SSH2: variants seen among roughly 807,000 people sequenced by gnomAD.
SSH2 encodes protein phosphatase Slingshot homolog 2.
Under a neutral mutation model 135.2 loss-of-function variants are expected in SSH2, and 37 were observed. The ratio of observed to expected loss-of-function variants is 0.27; its 90% CI spans 0.21 to 0.36. SSH2 has a LOEUF of 0.36. Among genes scored for constraint, SSH2 ranks in the 10% least tolerant of loss-of-function variants. The pLI, the probability that SSH2 is intolerant of heterozygous loss-of-function variation, is 1.00. For missense variants in SSH2, 1,408 were observed against 1,765.3 expected (o/e 0.80, Z 3.63); for synonymous variants, 628 against 646.2 (o/e 0.97, Z 0.43).
intron 1 of SSH2, among the ~76,000 whole-genome samples, chr17:29,910,549 A>G (rs967676239): frequency 3.9e-5 from 6 of 152,216 alleles, no homozygotes; most frequent in African/African-American, 1.4e-4. Flanking sequence ...CTTTTTGTCA[A>G]TAGTATAAGA....
intron 1 of SSH2, among the ~76,000 whole-genome samples, chr17:29,861,840 T>G (rs2065770854): frequency 6.6e-6 from 1 of 152,210 alleles, no homozygotes; most frequent in African/African-American, 2.4e-5. Context: ...CATGAGCCAC[T>G]GTGCCTGGCC....
intron 1 of SSH2, among the ~76,000 whole-genome samples, chr17:29,926,687 CT>C (rs1426974309): frequency 6.6e-6 from 1 of 152,226 alleles, no homozygotes; most frequent in Non-Finnish European, 1.5e-5. Context: ...GCAGCCCTAG[CT>C]GCCTCCTCGC....
chr17:29,872,699 T>C (rs2065958476), intron 1 of SSH2, among the ~76,000 whole-genome samples: 1 of 152,116 alleles, frequency 6.6e-6, no homozygotes, highest in South Asian at 2.1e-4. Flanking sequence ...CCTGGTAGTG[T>C]AAAAAGTATT....
intron 1 of SSH2, among the ~76,000 whole-genome samples, chr17:29,896,871 T>C (rs1330574130): frequency 1.3e-5 from 2 of 151,860 alleles, no homozygotes; most frequent in Admixed American, 1.3e-4. Context: ...TAACAGTTCT[T>C]CACTGACATC....
In SSH2 at chr17:29,696,170, T is replaced by TACAC. The variant is rs1410407126; in HGVS notation, c.293-648_293-647insGTGT. Among the ~76,000 whole-genome samples the TACAC allele has an allele frequency of 7.3e-4, 86 of 117,352 alleles. 1 individual carries two copies. The highest frequency in any genetic ancestry group is 8.3e-3 in the Middle Eastern group (2 of 240). The allele number at this position is 117,352 out of a possible 152,430, so 77.0% of individuals were successfully genotyped here. A position where few individuals can be genotyped will look rare whatever the true frequency, so the allele number is the denominator to read the frequency against. ...TGATATTATAATGAGAGTATGTATA[T>TACAC]ATATACACACACACACACACACACA... On this transcript the variant is annotated intron_variant, in intron 4 of 15. Transcript: ENST00000540801.
intron 1 of SSH2, among the ~76,000 whole-genome samples, chr17:29,849,468 G>A (rs568786241): frequency 1.6e-5 from 2 of 124,332 alleles, no homozygotes; most frequent in Non-Finnish European, 3.2e-5. Flanking sequence ...GACAGAGCGA[G>A]ACTCCGTCTC....
intron 1 of SSH2, among the ~76,000 whole-genome samples, chr17:29,914,935 AACAGTT>A (rs2151478990): frequency 6.6e-6 from 1 of 152,278 alleles, no homozygotes; most frequent in African/African-American, 2.4e-5. Flanking sequence ...TGCAACCATA[AACAGTT>A]ACAAATGATC....
At chr17:29,652,897 C>A (rs1321931567) in intron 12 of SSH2, among the ~76,000 whole-genome samples, 1 of 152,144 alleles carries the variant, frequency 6.6e-6, no homozygotes, top group Admixed American at 6.6e-5. Context: ...ACCTTGTGGT[C>A]TGCCTGCTTC....
intron 1 of SSH2, among the ~76,000 whole-genome samples, chr17:29,927,719 T>A (rs1056497761): frequency 1.3e-5 from 2 of 152,158 alleles, no homozygotes; most frequent in African/African-American, 2.4e-5. Flanking sequence ...TGAAGTCCAA[T>A]AGGAAGACAA....
intron 3 of SSH2, among the ~76,000 whole-genome samples, chr17:29,764,551 C>G (rs1248284358): frequency 2.6e-5 from 4 of 152,188 alleles, no homozygotes; most frequent in South Asian, 2.1e-4. Context: ...GTTTTCTACT[C>G]TACATGAAGT....
At chr17:29,657,419 G>T (rs1239980047) in intron 11 of SSH2, among the ~76,000 whole-genome samples, 1 of 147,584 alleles carries the variant, frequency 6.8e-6, no homozygotes, top group Non-Finnish European at 1.5e-5. Context: ...ACAGGTGCCT[G>T]CCACCATGCC....
chr17:29,774,902 C>G (rs574983726), intron 3 of SSH2, among the ~76,000 whole-genome samples: 2 of 152,286 alleles, frequency 1.3e-5, no homozygotes, highest in South Asian at 4.1e-4. Context: ...CCAGACCATT[C>G]CTTCTGTAGC....
At chr17:29,859,022 T>C (rs1358522888) in intron 1 of SSH2, among the ~76,000 whole-genome samples, 1 of 152,178 alleles carries the variant, frequency 6.6e-6, no homozygotes, top group Non-Finnish European at 1.5e-5. Context: ...TGCCAACACA[T>C]TGATCTTTGA....
At chr17:29,791,076 T>TTTA (rs767692678) in intron 3 of SSH2, among the ~76,000 whole-genome samples, 18 of 150,922 alleles carry the variant, frequency 1.2e-4, no homozygotes, top group East Asian at 7.9e-4. Flanking sequence ...TTGGTTAAGA[T>TTTA]TTATTATTAT....
chr17:29,709,781 G>C (rs187565589), intron 3 of SSH2, among the ~76,000 whole-genome samples: 20 of 152,238 alleles, frequency 1.3e-4, no homozygotes, highest in Admixed American at 3.3e-4. Flanking sequence ...GCCATAAACA[G>C]AAAGACTACA....
intron 3 of SSH2, among the ~76,000 whole-genome samples, chr17:29,745,870 AGAT>A (rs1337898067): frequency 6.6e-6 from 1 of 152,242 alleles, no homozygotes; most frequent in East Asian, 1.9e-4. Flanking sequence ...AAAGTCACAC[AGAT>A]AATAAATGAT....
At chr17:29,854,948 A>AAAACAAAC (rs547196424) in intron 1 of SSH2, among the ~76,000 whole-genome samples, 1 of 152,088 alleles carries the variant, frequency 6.6e-6, no homozygotes, top group South Asian at 2.1e-4. Context: ...CTCCATCTAA[A>AAAACAAAC]AAACAAACAA....
At chr17:29,705,413 C>A (rs1384090886) in intron 3 of SSH2, among the ~76,000 whole-genome samples, 2 of 152,124 alleles carry the variant, frequency 1.3e-5, no homozygotes, top group Non-Finnish European at 1.5e-5. Context: ...TACATCCTCA[C>A]CCATTTTACC....
At chr17:29,730,345 T>TTA (rs933506864) in intron 3 of SSH2, among the ~76,000 whole-genome samples, 65 of 147,256 alleles carry the variant, frequency 4.4e-4, no homozygotes, top group African/African-American at 9.6e-4. Context: ...ATACATATAA[T>TTA]TATATATATA....
Sources: allele counts gnomAD v4.1 joint callset (sites outside exome capture counted in the v4.1 genomes callset), GRCh38; gene constraint gnomAD v4.1.1; transcripts MANE v1.5; gene names NCBI Gene and HGNC (gene_info 2026-07-23, HGNC 2026-07-21).